Variants in LRIG1 observed in about 807,000 individuals in gnomAD.
LRIG1 encodes the protein leucine-rich repeats and immunoglobulin-like domains protein 1.
A neutral mutation model predicts 99.2 loss-of-function variants in LRIG1; 48 were observed. The observed-to-expected ratio is 0.48, with a 90% CI of 0.38 to 0.62. LRIG1 has a LOEUF of 0.62. Ranked by LOEUF, LRIG1 falls within the 20% of genes least tolerant of loss-of-function variation. LRIG1 has a pLI of 0.00. For synonymous variants in LRIG1, 772 were observed against 596.1 expected, an observed-to-expected ratio of 1.29 and a Z score of -4.30; for missense variants, 1,646 against 1,434.4, an observed-to-expected ratio of 1.15 and a Z score of -2.38.
chr3:66,436,786 A>G (rs1703375506), intron 3 of LRIG1, among the ~76,000 whole-genome samples: 1 of 152,156 alleles, frequency 6.6e-6, no homozygotes, highest in South Asian at 2.1e-4. Flanking sequence ...GGATTTTATC[A>G]TTCTCTAGGT....
intron 3 of LRIG1, among the ~76,000 whole-genome samples, chr3:66,428,561 T>C (rs924355797): frequency 6.6e-6 from 1 of 152,244 alleles, no homozygotes; most frequent in African/African-American, 2.4e-5. Flanking sequence ...AATGCACTTG[T>C]GCCAGGACCA....
At chr3:66,463,320 G>A (rs1340119545) in intron 1 of LRIG1, among the ~76,000 whole-genome samples, 4 of 152,186 alleles carry the variant, frequency 2.6e-5, no homozygotes, top group Admixed American at 2.6e-4. Flanking sequence ...TAAACCGGGA[G>A]GGACAGTCAC....
intron 1 of LRIG1, among the ~76,000 whole-genome samples, chr3:66,486,592 G>C (rs535468069): frequency 7.4e-4 from 112 of 152,272 alleles, no homozygotes; most frequent in African/African-American, 2.6e-3. Context: ...AGTCACAATC[G>C]ACTCAACTAA....
rs748512401 is a variant in LRIG1, at chr3:66,381,594, G to A, written c.2655C>T (p.Pro885=). ...GCCTGCAGGCAACGCTGTGAGTGTC[G>A]GGCTCTGGAAAGTGGCTTGCATCTC... ...CPRDASHFPE[P]DTHSVACRQP... The change falls in exon 17 of 19, where the codon CCC becomes CCT. Residue 885 remains proline, a synonymous_variant. Transcript: ENST00000273261. 44 of 1,613,994 alleles carry A rather than the reference G, an allele frequency of 2.7e-5. No homozygotes were observed. In the Middle Eastern group the frequency reaches 4.9e-4, roughly 18 times the overall value.
intron 12 of LRIG1, among the ~76,000 whole-genome samples, chr3:66,390,401 C>CT (rs1296466553): frequency 6.6e-6 from 1 of 152,048 alleles, no homozygotes; most frequent in African/African-American, 2.4e-5. Context: ...ACAGAAATAC[C>CT]TTTAACAGTA....
intron 1 of LRIG1, among the ~76,000 whole-genome samples, chr3:66,482,139 G>A (rs925361942): frequency 6.6e-6 from 1 of 152,218 alleles, no homozygotes; most frequent in East Asian, 1.9e-4. Context: ...AGCAGTACAG[G>A]ATCAACAGAG....
intron 1 of LRIG1, among the ~76,000 whole-genome samples, chr3:66,464,583 T>C (rs890363230): frequency 2.6e-5 from 4 of 152,122 alleles, no homozygotes; most frequent in South Asian, 2.1e-4. Flanking sequence ...TTTTTGCCTC[T>C]GATCTGGGCC....
chr3:66,467,360 T>C (rs927488491), intron 1 of LRIG1, among the ~76,000 whole-genome samples: 4 of 136,508 alleles, frequency 2.9e-5, no homozygotes, highest in African/African-American at 8.9e-5. Flanking sequence ...ACTAGCTATT[T>C]TTTTTTTTTT....
chr3:66,488,971 T>C (rs1436948257), intron 1 of LRIG1, among the ~76,000 whole-genome samples: 6 of 152,218 alleles, frequency 3.9e-5, no homozygotes, highest in Non-Finnish European at 5.9e-5. Context: ...TGGTTTTTTT[T>C]CTTTAAATTT....
intron 5 of LRIG1, among the ~76,000 whole-genome samples, chr3:66,413,474 A>G (rs1041395944): frequency 6.6e-6 from 1 of 152,244 alleles, no homozygotes; most frequent in African/African-American, 2.4e-5. Context: ...TCAAATGGCA[A>G]TAACACTTTC....
chr3:66,485,066 G>C (rs1330685067), intron 1 of LRIG1, among the ~76,000 whole-genome samples: 6 of 150,624 alleles, frequency 4.0e-5, no homozygotes, highest in Non-Finnish European at 7.4e-5. Flanking sequence ...GCTGAGGTGG[G>C]AAAATTGCTT....
intron 9 of LRIG1, chr3:66,404,470 C>A: frequency 9.0e-7 from 1 of 1,114,532 alleles, no homozygotes; most frequent in Non-Finnish European, 1.1e-6. Context: ...GCTGGTTACA[C>A]GCAGAGAAAA....
At chr3:66,490,851 T>C (rs892286575) in intron 1 of LRIG1, among the ~76,000 whole-genome samples, 11 of 152,186 alleles carry the variant, frequency 7.2e-5, no homozygotes, top group Admixed American at 3.3e-4. Context: ...ATGGAAGTCA[T>C]TCCAAAAACT....
At chr3:66,383,948 T>TCACACACACACGCACACACA (rs1553711090) in intron 14 of LRIG1, 43 bp downstream of exon 14, 1 of 1,242,762 alleles carries the variant, frequency 8.0e-7, no homozygotes, top group African/African-American at 1.5e-5. Context: ...TCTCTCTCGC[T>TCACACACACACGCACACACA]CACACACACA....
chr3:66,389,563 G>GT (rs934737755), intron 12 of LRIG1, among the ~76,000 whole-genome samples: 3 of 152,138 alleles, frequency 2.0e-5, no homozygotes, highest in African/African-American at 7.2e-5. Flanking sequence ...TAAGACAGGA[G>GT]TTTTTACTAC....
At chr3:66,441,412 T>C (rs963595105) in intron 3 of LRIG1, among the ~76,000 whole-genome samples, 1 of 152,154 alleles carries the variant, frequency 6.6e-6, no homozygotes, top group Non-Finnish European at 1.5e-5. Context: ...AAGAGTGTTT[T>C]TCCTCACTGT....
At chr3:66,381,376 C>G in intron 17 of LRIG1, 103 bp downstream of exon 17, 1 of 1,187,130 alleles carries the variant, frequency 8.4e-7, no homozygotes, top group Non-Finnish European at 1.2e-6. Context: ...AATTTGGAGA[C>G]AGCTGTGGAC....
chr3:66,385,512 G>A (rs1701329654), intron 13 of LRIG1, among the ~76,000 whole-genome samples: 1 of 152,098 alleles, frequency 6.6e-6, no homozygotes, highest in South Asian at 2.1e-4. Context: ...GAATGCAGTG[G>A]AGTGATCTCG....
chr3:66,414,788 T>C, intron 5 of LRIG1, 132 bp downstream of exon 5: 3 of 927,454 alleles, frequency 3.2e-6, no homozygotes, highest in East Asian at 5.5e-5. Flanking sequence ...GGTGCTGCCA[T>C]TAATGGTAAT....
Sources: allele counts gnomAD v4.1 joint callset (sites outside exome capture counted in the v4.1 genomes callset), GRCh38; gene constraint gnomAD v4.1.1; transcripts MANE v1.5; gene names NCBI Gene and HGNC (gene_info 2026-07-23, HGNC 2026-07-21).